The following ARIH1 variants were observed in gnomAD, a reference collection of about 807,000 sequenced individuals.
ARIH1 encodes the protein E3 ubiquitin-protein ligase ARIH1.
Under a neutral mutation model 85.0 loss-of-function variants are expected in ARIH1, and 8 were observed. The ratio of observed to expected loss-of-function variants is 0.09; its 90% CI spans 0.06 to 0.17. ARIH1 has a LOEUF of 0.17. Ranked by LOEUF, ARIH1 falls within the 10% of genes least tolerant of loss-of-function variation. The probability of loss-of-function intolerance (pLI) is 1.00; values close to 1 mark genes in which losing one functional copy is unlikely to be tolerated. For missense variants in ARIH1, 311 were observed against 718.1 expected (o/e 0.43, Z 6.48); for synonymous variants, 238 against 253.6 (o/e 0.94, Z 0.59).
intron 3 of ARIH1, among the ~76,000 whole-genome samples, chr15:72,546,107 A>G (rs575333542): frequency 1.4e-4 from 22 of 152,246 alleles, no homozygotes; most frequent in Non-Finnish European, 2.6e-4. Flanking sequence ...AGGCACAGTC[A>G]GTGTACTACA....
At chr15:72,506,219 G>A (rs372821757) in intron 1 of ARIH1, among the ~76,000 whole-genome samples, 1 of 151,694 alleles carries the variant, frequency 6.6e-6, no homozygotes, top group Admixed American at 6.6e-5. Flanking sequence ...GCGTGGTGGT[G>A]GGCACCTGTA....
At chr15:72,536,292 T>TAA (rs2064081528) in intron 2 of ARIH1, among the ~76,000 whole-genome samples, 2 of 152,254 alleles carry the variant, frequency 1.3e-5, no homozygotes, top group African/African-American at 4.8e-5. Context: ...AGATAGGGTC[T>TAA]TGCTATATTG....
chr15:72,474,331 G>T lies in ARIH1; in HGVS notation c.-309G>T. On this transcript the variant is annotated 5_prime_UTR_variant, in exon 1 of 14. Transcript: ENST00000379887. ...TGACGCACGCCCCTTTGTTGGCTCA[G>T]TAGCGATAGCAGCGGCCGTGGAGGT... 2.8e-6 allele frequency: 1 copy of T among 363,502 alleles called. No individual in the cohort carries two copies. The highest frequency in any genetic ancestry group is 5.1e-6 in the Non-Finnish European group (1 of 197,980). The allele number at this position is 363,502 out of a possible 1,614,324, so 22.5% of individuals were successfully genotyped here. A position where few individuals can be genotyped will look rare whatever the true frequency, so the allele number is the denominator to read the frequency against.
chr15:72,507,790 A>C lies in ARIH1; in HGVS notation c.376-10277A>C, dbSNP rs1473437543. 2.0e-5 allele frequency among the ~76,000 whole-genome samples: 3 copies of C among 152,258 alleles called. No homozygotes were observed. In the East Asian group the frequency reaches 5.8e-4, roughly 29 times the overall value. ...TTGATGTTAAAGCTTCAGCTAGGAC[A>C]GTTGACATAATCAGACTTACTAATC... is the stretch of plus-strand genomic sequence containing the variant. On this transcript the variant is annotated intron_variant, in intron 1 of 13. Coordinates refer to ENST00000379887, the MANE Select transcript of ARIH1 (RefSeq NM_005744.5).
chr15:72,538,795 A>G (rs567877715), intron 2 of ARIH1, among the ~76,000 whole-genome samples: 3 of 152,210 alleles, frequency 2.0e-5, no homozygotes, highest in Admixed American at 6.5e-5. Context: ...AATATACTCA[A>G]TGTGCAGAAA....
rs144724943 is a variant in ARIH1 at position 72,537,093 on chromosome 15, TTTG to T, written c.444-7700_444-7698del. 4.6e-3 allele frequency among the ~76,000 whole-genome samples: 700 copies of T among 151,240 alleles called. 7 individuals are homozygous for T. The highest frequency in any genetic ancestry group is 0.016 in the African/African-American group (643 of 41,190). On this transcript the variant is annotated intron_variant, in intron 2 of 13. Transcript: ENST00000379887. The stretch of plus-strand genomic sequence containing the variant: ...TTACAGATTTGTGTGAGTTCTCATT[TTTG>T]TTGTTGTTGTTGTTGTTGTTGTTGT...
intron 9 of ARIH1, among the ~76,000 whole-genome samples, chr15:72,569,033 G>C (rs1567358492): frequency 6.6e-6 from 1 of 152,166 alleles, no homozygotes; most frequent in Non-Finnish European, 1.5e-5. Flanking sequence ...ATGAGGCCAG[G>C]TGCAGTGGCT....
At chr15:72,558,216 C>T (rs1356183647) in intron 5 of ARIH1, among the ~76,000 whole-genome samples, 1 of 152,110 alleles carries the variant, frequency 6.6e-6, no homozygotes, top group African/African-American at 2.4e-5. Flanking sequence ...CCTTCAAAGC[C>T]TAGTTTGTTG....
chr15:72,477,029 G>A lies in ARIH1; in HGVS notation c.375+2015G>A, dbSNP rs74022835. 6.8e-3 allele frequency among the ~76,000 whole-genome samples: 1,034 copies of A among 152,232 alleles called. 8 individuals are homozygous for A. Among genetic ancestry groups the A allele is most frequent in the African/African-American group, 0.024 (982 of 41,530 alleles). On this transcript the variant is annotated intron_variant, in intron 1 of 13. Coordinates refer to ENST00000379887, the MANE Select transcript of ARIH1 (RefSeq NM_005744.5). ...AATATCCTCATAGGTCAGTCTTTGA[G>A]TGTTCTTATTTTCTTGGGATAAAGT...
intron 1 of ARIH1, among the ~76,000 whole-genome samples, chr15:72,478,070 T>C (rs1449850305): frequency 6.6e-6 from 1 of 152,140 alleles, no homozygotes; most frequent in African/African-American, 2.4e-5. Flanking sequence ...CCTCCCAAAG[T>C]GCTGGGATTA....
chr15:72,567,597 C>G (rs569533242), intron 9 of ARIH1, among the ~76,000 whole-genome samples: 2 of 152,294 alleles, frequency 1.3e-5, no homozygotes, highest in South Asian at 4.1e-4. Flanking sequence ...GCTCTTGATA[C>G]TAGTTTCAAA....
rs542479712 is a variant in ARIH1, at chr15:72,589,994, C to T, written c.*6702C>T. The T allele has an allele frequency of 6.6e-6, 1 of 152,210 alleles. No individual in the cohort carries two copies. The allele number at this position is 152,210 out of a possible 1,614,324, so 9.4% of individuals were successfully genotyped here. On this transcript the variant is annotated 3_prime_UTR_variant, in exon 14 of 14. Transcript: ENST00000379887. The stretch of plus-strand genomic sequence containing the variant: ...AGTCTTATGATGTAGTTACTATTTT[C>T]ATTTTATAAATAAGAAAATAGAAGC...
chr15:72,487,080 AT>A (rs200378374), intron 1 of ARIH1, among the ~76,000 whole-genome samples: 2,842 of 150,688 alleles, frequency 0.019, 67 homozygotes, highest in African/African-American at 0.064. Flanking sequence ...TATTATTATT[AT>A]TTTTTTTTGT....
In ARIH1 at chr15:72,565,595, T is replaced by C. The variant is rs530642096; in HGVS notation, c.912-968T>C. Among the ~76,000 whole-genome samples, 76 of 152,320 alleles carry C rather than the reference T, an allele frequency of 5.0e-4. 1 individual carries two copies. The South Asian group carries it at 7.0e-3, about 14-fold the overall frequency. On this transcript the variant is annotated intron_variant, in intron 7 of 13. Transcript: ENST00000379887. The stretch of plus-strand genomic sequence containing the variant: ...TTCGATAAAGATTAATTATGTATTG[T>C]TATTTTAGAGAAAAGGTGGATAATA...
intron 5 of ARIH1, among the ~76,000 whole-genome samples, chr15:72,559,163 C>G (rs573198776): frequency 6.6e-6 from 1 of 152,252 alleles, no homozygotes; most frequent in South Asian, 2.1e-4. Flanking sequence ...GGTTTCACAT[C>G]CCACAAATAA....
At chr15:72,532,164 GA>G (rs1041381552) in intron 2 of ARIH1, among the ~76,000 whole-genome samples, 7 of 146,798 alleles carry the variant, frequency 4.8e-5, no homozygotes, top group Non-Finnish European at 7.5e-5. Flanking sequence ...GAAGCCGTAA[GA>G]TTTTTTTTTT....
intron 12 of ARIH1, chr15:72,581,814 A>T (rs1314600349): frequency 1.0e-5 from 3 of 289,690 alleles, no homozygotes. Flanking sequence ...AGACATTTTA[A>T]ATCCTTTCAA....
intron 5 of ARIH1, among the ~76,000 whole-genome samples, chr15:72,559,160 C>T (rs2064187090): frequency 6.6e-6 from 1 of 152,178 alleles, no homozygotes; most frequent in African/African-American, 2.4e-5. Flanking sequence ...GCAGGTTTCA[C>T]ATCCCACAAA....
intron 1 of ARIH1, among the ~76,000 whole-genome samples, chr15:72,502,317 A>G (rs2063907238): frequency 6.6e-6 from 1 of 152,212 alleles, no homozygotes; most frequent in African/African-American, 2.4e-5. Flanking sequence ...TCCCTCATAA[A>G]ATAAATGTGC....
Sources: gnomAD v4.1 joint callset for allele counts (sites outside exome capture counted in the v4.1 genomes callset) on GRCh38, gnomAD v4.1.1 for gene constraint, MANE v1.5 for transcripts, NCBI Gene and HGNC (gene_info 2026-07-23, HGNC 2026-07-21) for gene names.